CHKA: variants seen among roughly 807,000 people sequenced by gnomAD.
CHKA encodes the protein CHETK-alpha.
CHKA carries 34 observed loss-of-function variants against 60.1 expected under a neutral mutation model. That is an observed-to-expected ratio of 0.57 (90% CI 0.43 to 0.75). The LOEUF is 0.75. Among genes scored for constraint, CHKA ranks in the 30% least tolerant of loss-of-function variants. CHKA has a pLI of 0.00. For synonymous variants in CHKA, 217 were observed against 223.1 expected (o/e 0.97, Z 0.24); for missense variants, 563 against 561.3 (o/e 1.00, Z -0.03).
intron 7 of CHKA, among the ~76,000 whole-genome samples, chr11:68,067,075 T>A (rs193264834): frequency 1.3e-5 from 2 of 152,114 alleles, no homozygotes; most frequent in African/African-American, 4.8e-5. Context: ...TTTGCTTTAG[T>A]ATTGGATTCT....
intron 3 of CHKA, among the ~76,000 whole-genome samples, chr11:68,080,417 G>A (rs543681832): frequency 1.2e-4 from 18 of 151,856 alleles, no homozygotes; most frequent in African/African-American, 3.1e-4. Flanking sequence ...GCACAATCTC[G>A]GTCTACTGCA....
At chr11:68,089,507 T>C (rs567491307) in intron 2 of CHKA, among the ~76,000 whole-genome samples, 1 of 152,352 alleles carries the variant, frequency 6.6e-6, no homozygotes, top group Non-Finnish European at 1.5e-5. Flanking sequence ...AGGAAGAACT[T>C]GATTACTTCA....
intron 11 of CHKA, among the ~76,000 whole-genome samples, chr11:68,060,733 T>G (rs999400220): frequency 6.6e-6 from 1 of 152,266 alleles, no homozygotes; most frequent in South Asian, 2.1e-4. Context: ...GATGCCTTTA[T>G]TATCACAAAA....
intron 1 of CHKA, among the ~76,000 whole-genome samples, chr11:68,108,394 C>T (rs1422819842): frequency 2.0e-5 from 3 of 152,174 alleles, no homozygotes; most frequent in Non-Finnish European, 4.4e-5. Context: ...GCTTAGAAGT[C>T]GCCACCTGAT....
chr11:68,074,656 A>T, intron 4 of CHKA, 61 bp downstream of exon 4: 1 of 1,446,798 alleles, frequency 6.9e-7, no homozygotes, highest in Non-Finnish European at 9.7e-7. Flanking sequence ...CAGCAATGAG[A>T]CAAAGAAGCC....
chr11:68,075,231 T>G (rs955690246), intron 3 of CHKA, among the ~76,000 whole-genome samples: 1 of 151,972 alleles, frequency 6.6e-6, no homozygotes, highest in Non-Finnish European at 1.5e-5. Context: ...TTTGGTTGAG[T>G]GTGTCTAGTT....
intron 2 of CHKA, among the ~76,000 whole-genome samples, chr11:68,092,913 A>G (rs946754540): frequency 6.6e-6 from 1 of 152,180 alleles, no homozygotes; most frequent in African/African-American, 2.4e-5. Flanking sequence ...TTCTAACAAA[A>G]ATCAGTTTGT....
At chr11:68,066,842 G>C (rs764631215) in intron 7 of CHKA, among the ~76,000 whole-genome samples, 1 of 152,220 alleles carries the variant, frequency 6.6e-6, no homozygotes, top group Non-Finnish European at 1.5e-5. Context: ...CTGCATGGTG[G>C]CATGCAGGAG....
intron 10 of CHKA, among the ~76,000 whole-genome samples, chr11:68,063,923 G>A (rs536721879): frequency 7.5e-4 from 114 of 152,312 alleles, no homozygotes; most frequent in Non-Finnish European, 1.3e-3. Context: ...GCAGAACTGT[G>A]AGTCAATTAA....
chr11:68,109,553 T>C (rs1354205850), intron 1 of CHKA, among the ~76,000 whole-genome samples: 2 of 152,174 alleles, frequency 1.3e-5, no homozygotes, highest in Non-Finnish European at 2.9e-5. Flanking sequence ...CTGTCCCACC[T>C]AAGCGGGGAG....
intron 2 of CHKA, among the ~76,000 whole-genome samples, chr11:68,092,284 C>G (rs1857375227): frequency 6.6e-6 from 1 of 152,156 alleles, no homozygotes; most frequent in Non-Finnish European, 1.5e-5. Flanking sequence ...AATTTTTTAT[C>G]AATCCTGACA....
At chr11:68,059,561 T>C (rs966852797) in intron 11 of CHKA, among the ~76,000 whole-genome samples, 1 of 152,256 alleles carries the variant, frequency 6.6e-6, no homozygotes, top group Non-Finnish European at 1.5e-5. Context: ...TACTGCTTTA[T>C]GTATATCCCA....
chr11:68,121,330 C>CGGCGACTGA lies in CHKA; in HGVS notation c.-154_-153insTCAGTCGCC. ...GCGCGCGGGGCGGCGGCGGCGGCTG[C>CGGCGACTGA]GGCGACTGCGGCGACTGTGGAGCGG... On this transcript the variant is annotated 5_prime_UTR_variant, in exon 1 of 12. Transcript: ENST00000265689. 3.3e-6 allele frequency: 1 copy of CGGCGACTGA among 304,526 alleles called. No homozygotes were observed. Among genetic ancestry groups the CGGCGACTGA allele is most frequent in the Non-Finnish European group, 4.9e-6 (1 of 202,198 alleles). The allele number at this position is 304,526 out of a possible 1,614,324, so 18.9% of individuals were successfully genotyped here. A position where few individuals can be genotyped will look rare whatever the true frequency, so the allele number is the denominator to read the frequency against.
rs548341409 is a variant in CHKA at position 68,102,980 on chromosome 11, A to AT, written c.351-5851_351-5850insA. Among the ~76,000 whole-genome samples the AT allele has an allele frequency of 2.1e-3, 315 of 151,030 alleles. 1 individual carries two copies. The highest frequency in any genetic ancestry group is 6.9e-3 in the African/African-American group (286 of 41,166). The stretch of plus-strand genomic sequence containing the variant: ...CAGAGCAAGACCCTGTTTAAAAAAA[A>AT]AAAAATATATTTGCCCTAAATGGTG... On this transcript the variant is annotated intron_variant, in intron 1 of 11. Coordinates refer to ENST00000265689, the MANE Select transcript of CHKA (RefSeq NM_001277.3).
At chr11:68,101,992 C>T (rs548384204) in intron 1 of CHKA, among the ~76,000 whole-genome samples, 37 of 151,140 alleles carry the variant, frequency 2.4e-4, no homozygotes, top group Admixed American at 1.1e-3. Context: ...CCCAGCTACT[C>T]GGGAGGCTGA....
At chr11:68,118,153 G>A (rs1258902207) in intron 1 of CHKA, among the ~76,000 whole-genome samples, 1 of 152,132 alleles carries the variant, frequency 6.6e-6, no homozygotes, top group Admixed American at 6.6e-5. Flanking sequence ...CTCCAGAAAC[G>A]GATCGGGGCC....
At chr11:68,078,936 G>A (rs978036489) in intron 3 of CHKA, among the ~76,000 whole-genome samples, 2 of 151,476 alleles carry the variant, frequency 1.3e-5, no homozygotes, top group Non-Finnish European at 2.9e-5. Flanking sequence ...TTTTTTTGGA[G>A]ATATTATTAT....
At position 68,097,106 on chromosome 11, in the gene CHKA, G is replaced by C. The variant is rs375011666; in HGVS notation, c.375C>G (p.Phe125Leu). The C allele has an allele frequency of 6.2e-7, 1 of 1,613,652 alleles. No individual in the cohort carries two copies. Among genetic ancestry groups the C allele is most frequent in the Non-Finnish European group, 8.5e-7 (1 of 1,179,802 alleles). ...VIRGGLSNMLFQCSLPDTTAT... is the reference protein window; with the variant it reads ...VIRGGLSNMLLQCSLPDTTAT... ...CTGTGGTGTCAGGTAGGGAGCACTG[G>C]AACAGCATGTTGCTAAGGCCGCCTC... Residue 125 changes from phenylalanine to leucine, a missense_variant, in exon 2 of 12, where the codon TTC becomes TTG. Coordinates refer to ENST00000265689, the MANE Select transcript of CHKA (RefSeq NM_001277.3).
At chr11:68,055,255 TGGC>T (rs1330770836) in intron 11 of CHKA, among the ~76,000 whole-genome samples, 2 of 152,122 alleles carry the variant, frequency 1.3e-5, no homozygotes, top group Non-Finnish European at 2.9e-5. Context: ...CTGGGTGCGG[TGGC>T]GGGCGCCTGT....
Sources: allele counts gnomAD v4.1 joint callset (sites outside exome capture counted in the v4.1 genomes callset), GRCh38; gene constraint gnomAD v4.1.1; transcripts MANE v1.5; gene names NCBI Gene and HGNC (gene_info 2026-07-23, HGNC 2026-07-21).